Variants in GALNT2 observed in about 807,000 individuals in gnomAD.
GALNT2 encodes UDP-GalNAc:polypeptide N-acetylgalactosaminyltransferase 2.
GALNT2 carries 31 observed loss-of-function variants against 81.4 expected under a neutral mutation model. The observed-to-expected ratio is 0.38, with a 90% CI of 0.29 to 0.51. The LOEUF is 0.51. Among genes scored for constraint, GALNT2 ranks in the 20% least tolerant of loss-of-function variants. GALNT2 has a pLI of 0.87. For missense variants in GALNT2, 629 were observed against 765.7 expected (o/e 0.82, Z 2.11); for synonymous variants, 303 against 287.4 (o/e 1.05, Z -0.55).
At position 230,236,302 on chromosome 1, in the gene GALNT2, A is replaced by G. The variant is rs569812830; in HGVS notation, c.474-51A>G. 36 of 1,571,866 alleles carry G rather than the reference A, an allele frequency of 2.3e-5. No homozygotes were observed. In the African/African-American group the frequency reaches 3.9e-4, roughly 17 times the overall value. On this transcript the variant is annotated intron_variant, in intron 4 of 15. Coordinates refer to ENST00000366672, the MANE Select transcript of GALNT2 (RefSeq NM_004481.5). ...TGAGAATTTTCTACCCCAGGCTAAA[A>G]GTTTATACCCCTAAAAGACCTATAA...
At chr1:230,151,769 C>G (rs1001608502) in intron 1 of GALNT2, among the ~76,000 whole-genome samples, 1 of 56,226 alleles carries the variant, frequency 1.8e-5, no homozygotes, top group African/African-American at 7.4e-5. Flanking sequence ...GTCCGTAGTG[C>G]AAAGTGAAAA....
rs866948288 is a variant in GALNT2 at position 230,152,752 on chromosome 1, G to A, written c.127-25466G>A. Reference sequence around the variant, plus strand: ...GTGAGTGGGACACTCCTCAGCCTGCGTCCACTCTCAGGTAGCTTCCTCTTT... The same window carrying A: ...GTGAGTGGGACACTCCTCAGCCTGCATCCACTCTCAGGTAGCTTCCTCTTT... On this transcript the variant is annotated intron_variant, in intron 1 of 15. Coordinates refer to ENST00000366672, the MANE Select transcript of GALNT2 (RefSeq NM_004481.5). 9.2e-5 allele frequency among the ~76,000 whole-genome samples: 14 copies of A among 152,318 alleles called. No individual in the cohort carries two copies. In the Middle Eastern group the frequency reaches 0.017, roughly 185 times the overall value.
At chr1:230,258,231 G>GT (rs971797547) in intron 11 of GALNT2, among the ~76,000 whole-genome samples, 10 of 142,474 alleles carry the variant, frequency 7.0e-5, no homozygotes, top group Non-Finnish European at 1.4e-4. Flanking sequence ...AAACTTTTTG[G>GT]TTTTTTTTCT....
intron 2 of GALNT2, among the ~76,000 whole-genome samples, chr1:230,187,897 T>C: frequency 6.6e-6 from 1 of 151,006 alleles, no homozygotes; most frequent in East Asian, 2.0e-4. Context: ...TCTCTCCTTC[T>C]CTATTGCTTT....
chr1:230,262,057 G>T (rs987527716), intron 11 of GALNT2: 1 of 151,604 alleles, frequency 6.6e-6, no homozygotes, highest in Non-Finnish European at 1.5e-5. Flanking sequence ...GCTTAGCCCC[G>T]CAGAAAAGAA....
intron 15 of GALNT2, among the ~76,000 whole-genome samples, chr1:230,276,576 C>T (rs1666313494): frequency 6.6e-6 from 1 of 152,212 alleles, no homozygotes; most frequent in Admixed American, 6.5e-5. Flanking sequence ...CCCCAGTTGT[C>T]AGGGAGACGC....
intron 1 of GALNT2, among the ~76,000 whole-genome samples, chr1:230,159,121 G>A (rs949870191): frequency 2.0e-5 from 3 of 152,202 alleles, no homozygotes; most frequent in Admixed American, 1.3e-4. Flanking sequence ...CCTGTAATCC[G>A]CAAACATTCC....
chr1:230,063,206 G>T (rs1659089975), upstream of GALNT2, among the ~76,000 whole-genome samples: 1 of 151,860 alleles, frequency 6.6e-6, no homozygotes, highest in Non-Finnish European at 1.5e-5. Context: ...AGCTGCTTAG[G>T]AGTCTGAGGC....
At chr1:230,093,294 T>G (rs961821199) in intron 1 of GALNT2, among the ~76,000 whole-genome samples, 2 of 151,922 alleles carry the variant, frequency 1.3e-5, no homozygotes, top group African/African-American at 4.9e-5. Flanking sequence ...TAAAGGGCAC[T>G]GAACATGATA....
In GALNT2 at chr1:230,127,135, T is replaced by C. The variant is rs1200298747; in HGVS notation, c.127-51083T>C. Among the ~76,000 whole-genome samples, 4 of 152,078 alleles carry C rather than the reference T, an allele frequency of 2.6e-5. 1 individual carries two copies. The South Asian group carries it at 8.3e-4, about 31-fold the overall frequency. On this transcript the variant is annotated intron_variant, in intron 1 of 15. Coordinates refer to ENST00000366672, the MANE Select transcript of GALNT2 (RefSeq NM_004481.5). ...CCCATTGCTGCCTGAGGCAGGGGCA[T>C]GTGACCCACACACCCTACTTTACTC... is the stretch of plus-strand genomic sequence containing the variant.
Position 230,067,247 on chromosome 1 carries a change from C to A in GALNT2, c.-34C>A. 4.8e-6 allele frequency: 6 copies of A among 1,251,480 alleles called. No homozygotes were observed. Among genetic ancestry groups the A allele is most frequent in the Non-Finnish European group, 6.1e-6 (6 of 990,692 alleles). The allele number at this position is 1,251,480 out of a possible 1,614,324, so 77.5% of individuals were successfully genotyped here. On this transcript the variant is annotated 5_prime_UTR_variant, in exon 1 of 16. Transcript: ENST00000366672. ...GGCCGGCCCAGGCAGCACTCGCGAG[C>A]AGCGGCGGCCCCGCCGGCGGCCGAG...
chr1:230,185,684 G>A (rs868639724), intron 2 of GALNT2, among the ~76,000 whole-genome samples: 5 of 152,088 alleles, frequency 3.3e-5, no homozygotes, highest in Admixed American at 6.5e-5. Context: ...CAGTGCCCTG[G>A]CTTCTTTCAA....
At chr1:230,195,635 G>A (rs188276349) in intron 2 of GALNT2, among the ~76,000 whole-genome samples, 1 of 152,150 alleles carries the variant, frequency 6.6e-6, no homozygotes, top group Admixed American at 6.5e-5. Context: ...GCTTTAGTAA[G>A]AGTTCCCAGG....
chr1:230,243,756 G>A lies in GALNT2; in HGVS notation c.729+329G>A, dbSNP rs559551232. ...AGTTTCCTTCCCCGCCTACAGCTTC[G>A]CAGAGTGCTTAGAACATTGCCCGGC... On this transcript the variant is annotated intron_variant, in intron 7 of 15. Coordinates refer to ENST00000366672, the MANE Select transcript of GALNT2 (RefSeq NM_004481.5). This position sits in a 1 kb window ranked among gnomAD's most constrained non-coding sequence, Gnocchi z 4.2. Among the ~76,000 whole-genome samples, 71 of 152,292 alleles carry A rather than the reference G, an allele frequency of 4.7e-4. 2 individuals are homozygous for A. In the South Asian group the frequency reaches 0.011, roughly 24 times the overall value.
intron 15 of GALNT2, among the ~76,000 whole-genome samples, chr1:230,276,554 C>A (rs751241635): frequency 6.6e-6 from 1 of 152,158 alleles, no homozygotes; most frequent in Non-Finnish European, 1.5e-5. Context: ...AGGACCGAGT[C>A]CCCGGTTCTG....
chr1:230,109,912 G>C (rs186284094), intron 1 of GALNT2, among the ~76,000 whole-genome samples: 4 of 152,166 alleles, frequency 2.6e-5, no homozygotes, highest in Admixed American at 2.0e-4. Context: ...CTCATTTTAT[G>C]CATTTGCTAA....
In GALNT2 at chr1:230,265,350, A is replaced by G; in HGVS notation, c.1423A>G (p.Asn475Asp). Residue 475 changes from asparagine to aspartate, a missense_variant, in exon 14 of 16, where the codon AAT becomes GAT. Transcript: ENST00000366672. The stretch of plus-strand genomic sequence containing the variant: ...TGTGGTTGGAGTTTATGAATGTCAC[A>G]ATGCTGGGGGAAACCAGGTATGTGC... ...DGVVGVYECH[N>D]AGGNQEWALT... 1.2e-6 allele frequency: 2 copies of G among 1,614,204 alleles called. No individual in the cohort carries two copies. The highest frequency in any genetic ancestry group is 1.7e-6 in the Non-Finnish European group (2 of 1,180,040).
intron 4 of GALNT2, 93 bp downstream of exon 4, chr1:230,236,205 G>C: frequency 5.7e-6 from 8 of 1,414,796 alleles, no homozygotes; most frequent in East Asian, 2.3e-5. Flanking sequence ...GGGGGCTGCA[G>C]ACAGGGTCTC....
chr1:230,219,959 G>A (rs370898461), intron 3 of GALNT2, among the ~76,000 whole-genome samples: 6 of 152,266 alleles, frequency 3.9e-5, no homozygotes, highest in African/African-American at 1.2e-4. Context: ...CAGGTATTTC[G>A]TAAGTTGCTT....
Sources: gnomAD v4.1 joint callset for allele counts (sites outside exome capture counted in the v4.1 genomes callset) on GRCh38, gnomAD v4.1.1 for gene constraint, Gnocchi (gnomAD v3.1) non-coding constraint, MANE v1.5 for transcripts, NCBI Gene and HGNC (gene_info 2026-07-23, HGNC 2026-07-21) for gene names.